Variants in MAP3K21 observed in about 807,000 individuals in gnomAD.
The protein encoded by MAP3K21 is mitogen-activated protein kinase kinase kinase 21.
In MAP3K21, 63 loss-of-function variants were observed where a neutral mutation model predicts 86.1. That is an observed-to-expected ratio of 0.73 (90% CI 0.60 to 0.90). The LOEUF (loss-of-function observed/expected upper bound fraction) is 0.90. Among genes scored for constraint, MAP3K21 ranks in the 40% least tolerant of loss-of-function variants. The pLI, the probability that MAP3K21 is intolerant of heterozygous loss-of-function variation, is 0.00. For synonymous variants in MAP3K21, 558 were observed against 564.8 expected, an observed-to-expected ratio of 0.99 and a Z score of 0.17; for missense variants, 1,220 against 1,367.7, an observed-to-expected ratio of 0.89 and a Z score of 1.70.
chr1:233,351,917 C>T (rs1443269234), intron 2 of MAP3K21, among the ~76,000 whole-genome samples: 2 of 152,158 alleles, frequency 1.3e-5, no homozygotes, highest in Non-Finnish European at 2.9e-5. Context: ...GAAACAGGGT[C>T]TTGCTCTGCC....
At chr1:233,368,918 C>G (rs1663631004) in intron 5 of MAP3K21, among the ~76,000 whole-genome samples, 1 of 120,282 alleles carries the variant, frequency 8.3e-6, no homozygotes, top group African/African-American at 2.9e-5. Context: ...AGAGAAAGTA[C>G]TCATTCAGCA....
At chr1:233,375,205 C>G (rs1161121991) in intron 6 of MAP3K21, among the ~76,000 whole-genome samples, 1 of 151,890 alleles carries the variant, frequency 6.6e-6, no homozygotes, top group Non-Finnish European at 1.5e-5. Flanking sequence ...GCCTCCCAAA[C>G]TGCTGGGATT....
chr1:233,337,715 C>T (rs1054477546), intron 1 of MAP3K21, among the ~76,000 whole-genome samples: 2 of 152,130 alleles, frequency 1.3e-5, no homozygotes, highest in African/African-American at 2.4e-5. Flanking sequence ...CTTTGGCAGG[C>T]CTGCTGGTGA....
intron 1 of MAP3K21, among the ~76,000 whole-genome samples, chr1:233,340,124 G>A (rs1663012401): frequency 6.6e-6 from 1 of 152,236 alleles, no homozygotes; most frequent in Non-Finnish European, 1.5e-5. Flanking sequence ...CAGTCTAAGT[G>A]TATTAGAATG....
rs1231003937 is a variant in MAP3K21 at position 233,383,296 on chromosome 1, G to A, written c.*585G>A. On this transcript the variant is annotated 3_prime_UTR_variant, in exon 10 of 10. Transcript: ENST00000366624. ...GTCCTGTTTAAACTACCTAACCTTG[G>A]CTGTGGGCCGATAATGCATATGTCC... The A allele has an allele frequency of 3.3e-5, 5 of 152,380 alleles. No individual in the cohort carries two copies. The highest frequency in any genetic ancestry group is 1.2e-4 in the African/African-American group (5 of 41,324). 9.4% of individuals were successfully genotyped at this position (152,380 alleles called of 1,614,324 possible).
Position 233,346,481 on chromosome 1 carries a change from A to C in MAP3K21, c.845A>C (p.Asn282Thr), listed in dbSNP as rs774545944. 6.2e-7 allele frequency: 1 copy of C among 1,613,806 alleles called. No homozygotes were observed. The highest frequency in any genetic ancestry group is 1.7e-5 in the Admixed American group (1 of 59,972). Reference protein sequence around the residue: ...LEKIEHDDICNKTLKITDFGL... With the variant: ...LEKIEHDDICTKTLKITDFGL... ...AAGATAGAACATGATGACATCTGCAATAAAACTTTGAAGATTACAGATTTT... is the reference window on the plus strand; with the variant it reads ...AAGATAGAACATGATGACATCTGCACTAAAACTTTGAAGATTACAGATTTT... The change falls in exon 2 of 10, where the codon AAT becomes ACT. Residue 282 changes from asparagine to threonine, a missense_variant. Coordinates refer to ENST00000366624, the MANE Select transcript of MAP3K21 (RefSeq NM_032435.3).
intron 2 of MAP3K21, among the ~76,000 whole-genome samples, chr1:233,352,094 C>T (rs868167614): frequency 1.1e-4 from 17 of 152,182 alleles, no homozygotes; most frequent in South Asian, 4.1e-4. Context: ...ACCATATTGC[C>T]CAGGCTGGTC....
intron 3 of MAP3K21, 125 bp from the exon 4 acceptor site, chr1:233,354,711 A>G (rs746393956): frequency 2.8e-5 from 22 of 777,296 alleles, no homozygotes; most frequent in Non-Finnish European, 4.3e-5. Flanking sequence ...AGCAGATACT[A>G]TAAATGGAAG....
At chr1:233,361,995 AC>A in intron 4 of MAP3K21, 57 bp from the exon 5 acceptor site, 1 of 1,580,336 alleles carries the variant, frequency 6.3e-7, no homozygotes, top group Non-Finnish European at 8.6e-7. Flanking sequence ...AGTGTAATAG[AC>A]GGAATTCCCT....
In MAP3K21 at chr1:233,379,463, T is replaced by C. The variant is rs142593417; in HGVS notation, c.2457T>C (p.Asp819=). Residue 819 remains aspartate, a synonymous_variant, in exon 9 of 10, where the codon GAT becomes GAC. Coordinates refer to ENST00000366624, the MANE Select transcript of MAP3K21 (RefSeq NM_032435.3). Reference sequence around the variant, plus strand: ...GCCTGCTGCAGATGGACAGTGAAGATCCACTGGTGGACAGTGCACCTGTCA... The same window carrying C: ...GCCTGCTGCAGATGGACAGTGAAGACCCACTGGTGGACAGTGCACCTGTCA... ...TKCLLQMDSE[D]PLVDSAPVTC... 2.8e-3 allele frequency: 4,570 copies of C among 1,614,168 alleles called. 73 individuals carry two copies. In the African/African-American group the frequency reaches 0.044, roughly 15 times the overall value.
intron 2 of MAP3K21, among the ~76,000 whole-genome samples, chr1:233,352,754 G>C (rs966103307): frequency 6.6e-6 from 1 of 152,158 alleles, no homozygotes; most frequent in African/African-American, 2.4e-5. Context: ...TGACAAGACA[G>C]TGTTACTTAT....
intron 1 of MAP3K21, among the ~76,000 whole-genome samples, chr1:233,331,388 A>G (rs988325517): frequency 1.3e-5 from 2 of 152,234 alleles, no homozygotes; most frequent in African/African-American, 4.8e-5. Flanking sequence ...TGTGCAAACC[A>G]TGGTGCCTCA....
intron 2 of MAP3K21, among the ~76,000 whole-genome samples, chr1:233,347,925 A>G: frequency 6.6e-6 from 1 of 150,506 alleles, no homozygotes; most frequent in East Asian, 2.0e-4. Context: ...ATGTAAAAAA[A>G]CAAAATAAAA....
rs1663297527 is a variant in MAP3K21 at position 233,353,913 on chromosome 1, A to T, written c.1093A>T (p.Ile365Phe). 6.2e-7 allele frequency: 1 copy of T among 1,612,708 alleles called. No individual in the cohort carries two copies. The highest frequency in any genetic ancestry group is 1.3e-5 in the African/African-American group (1 of 74,978). Residue 365 changes from isoleucine to phenylalanine, a missense_variant, in exon 3 of 10, where the codon ATT (isoleucine) becomes TTT (phenylalanine). This residue lies in a region of MAP3K21 where 126 missense variants were observed against 127.7 expected (regional missense o/e 0.99). Coordinates refer to ENST00000366624, the MANE Select transcript of MAP3K21 (RefSeq NM_032435.3). ...AGCAGTCAATAAACTCACTTTGCCCATTCCATCCACCTGCCCTGAGCCGTT... is the reference window on the plus strand; with the variant it reads ...AGCAGTCAATAAACTCACTTTGCCCTTTCCATCCACCTGCCCTGAGCCGTT... ...GVAVNKLTLPIPSTCPEPFAK... is the reference protein window; with the variant it reads ...GVAVNKLTLPFPSTCPEPFAK...
At chr1:233,371,797 A>G (rs982564127) in intron 5 of MAP3K21, among the ~76,000 whole-genome samples, 4 of 147,582 alleles carry the variant, frequency 2.7e-5, no homozygotes, top group African/African-American at 2.6e-5. Context: ...GTGTGTGACT[A>G]TATCCAACAT....
rs528923468 is a variant in MAP3K21, at chr1:233,358,059, GT to G, written c.1311+3062del. On this transcript the variant is annotated intron_variant, in intron 4 of 9. Transcript: ENST00000366624. ...GCATTCGGGCTCTTGTGCCTGATGG[GT>G]TTTTTTTTTTTTTATACTTTAAGTT... Among the ~76,000 whole-genome samples, 1,455 of 146,070 alleles carry G rather than the reference GT, an allele frequency of 1.0e-2. 15 individuals are homozygous for G. The highest frequency in any genetic ancestry group is 0.03 in the African/African-American group (1,218 of 39,942).
intron 5 of MAP3K21, among the ~76,000 whole-genome samples, chr1:233,364,329 C>T (rs886887196): frequency 1.1e-4 from 17 of 152,050 alleles, no homozygotes; most frequent in Non-Finnish European, 1.2e-4. Context: ...AAGAAAAATC[C>T]AGAGGTGCAC....
intron 9 of MAP3K21, 90 bp downstream of exon 9, chr1:233,379,800 G>A: frequency 1.0e-6 from 1 of 982,952 alleles, no homozygotes; most frequent in Non-Finnish European, 1.5e-6. Context: ...ATCTTTTCCT[G>A]GTGATGACAT....
intron 5 of MAP3K21, among the ~76,000 whole-genome samples, chr1:233,364,714 C>A (rs1663540409): frequency 6.6e-6 from 1 of 151,862 alleles, no homozygotes; most frequent in African/African-American, 2.4e-5. Flanking sequence ...TACAGCTTTT[C>A]TTTTCCTGAG....
Sources: allele counts gnomAD v4.1 joint callset (sites outside exome capture counted in the v4.1 genomes callset), GRCh38; gene constraint gnomAD v4.1.1; regional missense constraint gnomAD v4.1.1; transcripts MANE v1.5; gene names NCBI Gene and HGNC (gene_info 2026-07-23, HGNC 2026-07-21).